PPP3CA: variants seen among roughly 807,000 people sequenced by gnomAD.
PPP3CA encodes CAM-PRP catalytic subunit.
Under a neutral mutation model 66.5 loss-of-function variants are expected in PPP3CA, and 14 were observed. The ratio of observed to expected loss-of-function variants is 0.21; its 90% confidence interval spans 0.14 to 0.33. PPP3CA has a LOEUF of 0.33. Ranked by LOEUF, PPP3CA falls within the 10% of genes least tolerant of loss-of-function variation. The probability of loss-of-function intolerance (pLI) is 1.00; values close to 1 mark genes in which losing one functional copy is unlikely to be tolerated. For synonymous variants in PPP3CA, 232 were observed against 226.2 expected (o/e 1.03, Z -0.23); for missense variants, 317 against 639.5 (o/e 0.50, Z 5.44).
intron 2 of PPP3CA, among the ~76,000 whole-genome samples, chr4:101,135,473 A>G (rs1201751982): frequency 1.3e-5 from 2 of 152,216 alleles, no homozygotes; most frequent in Non-Finnish European, 2.9e-5. Context: ...ACACTGTTTT[A>G]TAAGAAAAAC....
At chr4:101,067,960 T>G (rs1728754129) in intron 8 of PPP3CA, among the ~76,000 whole-genome samples, 1 of 152,114 alleles carries the variant, frequency 6.6e-6, no homozygotes, top group South Asian at 2.1e-4. Context: ...AATACAAAGT[T>G]CTTTTTCTGA....
intron 1 of PPP3CA, among the ~76,000 whole-genome samples, chr4:101,257,980 C>T (rs1424733871): frequency 2.0e-5 from 3 of 151,824 alleles, no homozygotes; most frequent in African/African-American, 4.8e-5. Context: ...GGCAGGGAAA[C>T]GTAAAAAAAT....
At chr4:101,301,239 A>G (rs1250405180) in intron 1 of PPP3CA, among the ~76,000 whole-genome samples, 1 of 151,824 alleles carries the variant, frequency 6.6e-6, no homozygotes, top group Non-Finnish European at 1.5e-5. Flanking sequence ...TCCAACATTC[A>G]CATTGTGTTT....
chr4:101,212,646 A>G (rs1234590269), intron 1 of PPP3CA, among the ~76,000 whole-genome samples: 2 of 152,128 alleles, frequency 1.3e-5, no homozygotes, highest in Non-Finnish European at 2.9e-5. Context: ...AAAGAACAAA[A>G]AAGACGGCCT....
intron 2 of PPP3CA, among the ~76,000 whole-genome samples, chr4:101,155,363 T>G (rs1037884146): frequency 1.3e-5 from 2 of 152,214 alleles, no homozygotes; most frequent in African/African-American, 4.8e-5. Context: ...AGCACCTTTA[T>G]CAAACCCCTT....
In PPP3CA at chr4:101,025,558, T is replaced by TC. The variant is rs1416910306; in HGVS notation, c.*306dup. ...TCCCCAATGCAGTAGGAAAACATGTTCATTCCCCTAACATTGCAGTATATA... is the reference window on the plus strand; with the variant it reads ...TCCCCAATGCAGTAGGAAAACATGTTCCATTCCCCTAACATTGCAGTATATA... On this transcript the variant is annotated 3_prime_UTR_variant, in exon 14 of 14. Coordinates refer to ENST00000394854, the MANE Select transcript of PPP3CA (RefSeq NM_000944.5). 3 of 207,182 alleles carry TC rather than the reference T, an allele frequency of 1.4e-5. No homozygotes were observed. Among genetic ancestry groups the TC allele is most frequent in the Non-Finnish European group, 2.9e-5 (3 of 103,600 alleles). The allele number at this position is 207,182 out of a possible 1,614,324, so 12.8% of individuals were successfully genotyped here. A position where few individuals can be genotyped will look rare whatever the true frequency, so the allele number is the denominator to read the frequency against.
At chr4:101,317,546 T>C (rs936552622) in intron 1 of PPP3CA, among the ~76,000 whole-genome samples, 1 of 152,184 alleles carries the variant, frequency 6.6e-6, no homozygotes, top group African/African-American at 2.4e-5. Flanking sequence ...CCAAAGATCA[T>C]GATTAAGAGG....
intron 11 of PPP3CA, among the ~76,000 whole-genome samples, chr4:101,039,465 T>C (rs1391131294): frequency 6.9e-6 from 1 of 144,938 alleles, no homozygotes; most frequent in East Asian, 1.9e-4. Context: ...GGTAGCCTCA[T>C]TCAATAACGG....
At chr4:101,285,618 T>C (rs998792181) in intron 1 of PPP3CA, among the ~76,000 whole-genome samples, 11 of 146,358 alleles carry the variant, frequency 7.5e-5, no homozygotes, top group Non-Finnish European at 9.0e-5. Context: ...TGTGTGTGTG[T>C]GTGTGTGTGT....
chr4:101,323,827 CA>C (rs1729114298), intron 1 of PPP3CA, among the ~76,000 whole-genome samples: 1 of 152,018 alleles, frequency 6.6e-6, no homozygotes. Flanking sequence ...AAAATGGAGG[CA>C]CAAGGCCGGG....
rs77971080 is a variant in PPP3CA at position 101,071,214 on chromosome 4, A to T, written c.956-7857T>A. ...TGTTATCACTACACATTCGTAGAAG[A>T]CCCTTTTCAACTTCAAGCTTGGACT... On this transcript the variant is annotated intron_variant, in intron 8 of 13. Coordinates refer to ENST00000394854, the MANE Select transcript of PPP3CA (RefSeq NM_000944.5). Among the ~76,000 whole-genome samples, 41 of 152,272 alleles carry T rather than the reference A, an allele frequency of 2.7e-4. No homozygotes were observed. The East Asian group carries it at 7.7e-3, about 29-fold the overall frequency.
chr4:101,334,393 C>G (rs1284821559), intron 1 of PPP3CA, among the ~76,000 whole-genome samples: 1 of 152,106 alleles, frequency 6.6e-6, no homozygotes, highest in East Asian at 1.9e-4. Flanking sequence ...CCCGGCCTCC[C>G]AAAGTGCTGG....
intron 10 of PPP3CA, among the ~76,000 whole-genome samples, chr4:101,049,584 A>G (rs1042630623): frequency 6.6e-6 from 1 of 152,088 alleles, no homozygotes; most frequent in Non-Finnish European, 1.5e-5. Flanking sequence ...GGATGAGGAT[A>G]TAACTGTTTA....
intron 2 of PPP3CA, among the ~76,000 whole-genome samples, chr4:101,171,500 A>G (rs1296390959): frequency 6.6e-6 from 1 of 152,176 alleles, no homozygotes. Context: ...TATATCTTGC[A>G]CTGTTCTAAA....
chr4:101,257,885 C>T (rs1428086093), intron 1 of PPP3CA, among the ~76,000 whole-genome samples: 2 of 151,926 alleles, frequency 1.3e-5, no homozygotes, highest in African/African-American at 4.8e-5. Context: ...AAAACGTGAC[C>T]AAAAATAATT....
rs1344915360 is a variant in PPP3CA, at chr4:101,207,557, A to C, written c.59-11441T>G. 3.9e-5 allele frequency among the ~76,000 whole-genome samples: 6 copies of C among 152,222 alleles called. No individual in the cohort carries two copies. In the East Asian group the frequency reaches 5.8e-4, roughly 15 times the overall value. On this transcript the variant is annotated intron_variant, in intron 1 of 13. Transcript: ENST00000394854. Reference sequence around the variant, plus strand: ...AGTAGCTAAAAACTAGGCTGGGCACAGTGTCGAATACCTGTAATCCCAGCA... The same window carrying C: ...AGTAGCTAAAAACTAGGCTGGGCACCGTGTCGAATACCTGTAATCCCAGCA...
rs140632196 is a variant in PPP3CA at position 101,131,237 on chromosome 4, A to AAAATAAATAAAT, written c.260-22171_260-22160dup. Reference sequence around the variant, plus strand: ...GGTGACAAAAGTGAGACTCCGTCTCAAAATAAATAAATAAATAAATAAATA... The same window carrying AAAATAAATAAAT: ...GGTGACAAAAGTGAGACTCCGTCTCAAAATAAATAAATAAATAAATAAATAAATAAATAAATA... On this transcript the variant is annotated intron_variant, in intron 2 of 13. Transcript: ENST00000394854. Among the ~76,000 whole-genome samples the AAAATAAATAAAT allele has an allele frequency of 1.6e-3, 223 of 138,696 alleles. 1 individual carries two copies. Among genetic ancestry groups the AAAATAAATAAAT allele is most frequent in the African/African-American group, 5.2e-3 (178 of 34,140 alleles). The allele number at this position is 138,696 out of a possible 152,430, so 91.0% of individuals were successfully genotyped here.
intron 2 of PPP3CA, among the ~76,000 whole-genome samples, chr4:101,118,366 C>T (rs139319565): frequency 4.6e-5 from 7 of 151,396 alleles, no homozygotes; most frequent in African/African-American, 1.5e-4. Flanking sequence ...TAAAGATGAA[C>T]ATCAAAATAG....
chr4:101,092,685 G>C, intron 6 of PPP3CA, among the ~76,000 whole-genome samples: 1 of 152,052 alleles, frequency 6.6e-6, no homozygotes, highest in South Asian at 2.1e-4. Context: ...AGAACATGAG[G>C]TGTTTGGTTT....
Sources: gnomAD v4.1 joint callset for allele counts (sites outside exome capture counted in the v4.1 genomes callset) on GRCh38, gnomAD v4.1.1 for gene constraint, MANE v1.5 for transcripts, NCBI Gene and HGNC (gene_info 2026-07-23, HGNC 2026-07-21) for gene names.